Variants in ITPKA observed in about 807,000 individuals in gnomAD.
The protein encoded by ITPKA is IP3 3-kinase A.
ITPKA carries 16 observed loss-of-function variants against 40.7 expected under a neutral mutation model. The ratio of observed to expected loss-of-function variants is 0.39; its 90% CI spans 0.27 to 0.60. ITPKA has a LOEUF of 0.60. Ranked by LOEUF, ITPKA falls within the 20% of genes least tolerant of loss-of-function variation. ITPKA has a pLI of 0.50. For missense variants in ITPKA, 540 were observed against 649.3 expected (o/e 0.83, Z 1.83); for synonymous variants, 313 against 289.9 (o/e 1.08, Z -0.81).
Position 41,503,419 on chromosome 15 carries a change from C to G in ITPKA, c.*253C>G. ...GGGGGCAAAGGGCTTCTTCCTCAGG[C>G]CAGCTCTTCTGAGGAGGCTCTGCCC... On this transcript the variant is annotated 3_prime_UTR_variant, in exon 7 of 7. Coordinates refer to ENST00000260386, the MANE Select transcript of ITPKA (RefSeq NM_002220.3). The G allele has an allele frequency of 1.7e-6, 1 of 594,764 alleles. No individual in the cohort carries two copies. The highest frequency in any genetic ancestry group is 3.1e-6 in the Non-Finnish European group (1 of 326,762). The allele number at this position is 594,764 out of a possible 1,614,324, so 36.8% of individuals were successfully genotyped here. A position where few individuals can be genotyped will look rare whatever the true frequency, so the allele number is the denominator to read the frequency against.
intron 1 of ITPKA, among the ~76,000 whole-genome samples, chr15:41,496,823 C>G (rs1300034568): frequency 6.6e-6 from 1 of 152,158 alleles, no homozygotes; most frequent in Non-Finnish European, 1.5e-5. Context: ...TAGTGCAAAT[C>G]GTTTTATAAA....
chr15:41,502,736 C>A (rs909259071), intron 5 of ITPKA, 52 bp from the exon 6 acceptor site: 9 of 1,488,432 alleles, frequency 6.0e-6, no homozygotes, highest in Non-Finnish European at 6.4e-6. Context: ...TTAGCAGGGG[C>A]TCATTTGGCG....
In ITPKA at chr15:41,503,008, G is replaced by A; in HGVS notation, c.1228G>A (p.Ala410Thr). Reference sequence around the variant, plus strand: ...CTTTGTGCACGATCACTGCCATCGCGCCGGCGTGTGGCTCATCGACTTCGG... The same window carrying A: ...CTTTGTGCACGATCACTGCCATCGCACCGGCGTGTGGCTCATCGACTTCGG... ...LLFVHDHCHR[A>T]GVWLIDFGKT... The change falls in exon 7 of 7, where the codon GCC (alanine) becomes ACC (threonine). Residue 410 changes from alanine (A) to threonine (T), a missense_variant. Physicochemically the swap from Ala to Thr is moderately conservative, Grantham distance 58. Coordinates refer to ENST00000260386, the MANE Select transcript of ITPKA (RefSeq NM_002220.3). 3 of 1,608,016 alleles carry A rather than the reference G, an allele frequency of 1.9e-6. No homozygotes were observed.
At chr15:41,500,989 A>G (rs2140676476) in intron 1 of ITPKA, among the ~76,000 whole-genome samples, 1 of 121,980 alleles carries the variant, frequency 8.2e-6, no homozygotes, top group Middle Eastern at 5.1e-3. Context: ...AGCCTGGGTG[A>G]CAGAGCAAGA....
chr15:41,501,933 G>A (rs897754029), intron 3 of ITPKA, 64 bp from the exon 4 acceptor site: 45 of 1,588,662 alleles, frequency 2.8e-5, no homozygotes, highest in Non-Finnish European at 3.7e-5. Context: ...GACCCGGGGC[G>A]AGTGCTCGAA....
At chr15:41,502,372 G>A in intron 4 of ITPKA, 30 bp from the exon 5 acceptor site, 1 of 1,524,184 alleles carries the variant, frequency 6.6e-7, no homozygotes, top group Non-Finnish European at 9.1e-7. Context: ...GGCGGGCCCG[G>A]GGCCCCTGAC....
chr15:41,503,117 T>C lies in ITPKA; in HGVS notation c.1337T>C (p.Leu446Pro). Residue 446 changes from leucine to proline, a missense_variant, in exon 7 of 7, where the codon CTG (leucine) becomes CCG (proline). By Grantham distance (98) the Leu-to-Pro change is moderately conservative. Transcript: ENST00000260386. ...EEGNREDGYL[L>P]GLDNLIGILA... Reference sequence around the variant, plus strand: ...GGCAACCGCGAGGACGGCTATTTGCTGGGGCTGGACAATCTCATTGGCATC... The same window carrying C: ...GGCAACCGCGAGGACGGCTATTTGCCGGGGCTGGACAATCTCATTGGCATC... 1 of 1,603,808 alleles carries C rather than the reference T, an allele frequency of 6.2e-7. No homozygotes were observed. The highest frequency in any genetic ancestry group is 8.5e-7 in the Non-Finnish European group (1 of 1,171,942).
In ITPKA at chr15:41,501,271, C is replaced by G. The variant is rs556095504; in HGVS notation, c.490-192C>G. 4 of 974,834 alleles carry G rather than the reference C, an allele frequency of 4.1e-6. No individual in the cohort carries two copies. The African/African-American group carries it at 7.0e-5, about 17-fold the overall frequency. The allele number at this position is 974,834 out of a possible 1,614,324, so 60.4% of individuals were successfully genotyped here. A position where few individuals can be genotyped will look rare whatever the true frequency, so the allele number is the denominator to read the frequency against. On this transcript the variant is annotated intron_variant, in intron 1 of 6. Transcript: ENST00000260386. ...ACTGGAGACGCTGGAATCACCTTCA[C>G]TGCGCCTGTATCAGCACCCGCCACA...
At position 41,502,487 on chromosome 15, in the gene ITPKA, G is replaced by T; in HGVS notation, c.1094G>T (p.Gly365Val). Residue 365 changes from glycine (G) to valine (V), a missense_variant, in exon 5 of 7, where the codon GGA (glycine) becomes GTA (valine). Physicochemically the swap from Gly to Val is moderately radical, Grantham distance 109 (BLOSUM62 -3). Coordinates refer to ENST00000260386, the MANE Select transcript of ITPKA (RefSeq NM_002220.3). ...VLRVFEEFVQ[G>V]DEEVLRRYLN... ...CGCGTCTTTGAAGAGTTTGTGCAAG[G>T]AGATGAGGAAGTGCTGGTGAGAGCG... 1 of 1,590,252 alleles carries T rather than the reference G, an allele frequency of 6.3e-7. No individual in the cohort carries two copies. Among genetic ancestry groups the T allele is most frequent in the South Asian group, 1.1e-5 (1 of 90,610 alleles).
Position 41,493,979 on chromosome 15 carries a change from C to T in ITPKA, c.52C>T (p.Pro18Ser), listed in dbSNP as rs1275920628. 4 of 1,099,860 alleles carry T rather than the reference C, an allele frequency of 3.6e-6. No individual in the cohort carries two copies. The highest frequency in any genetic ancestry group is 4.4e-6 in the Non-Finnish European group (4 of 904,168). 68.1% of individuals were successfully genotyped at this position (1,099,860 alleles called of 1,614,324 possible). A position where few individuals can be genotyped will look rare whatever the true frequency, so the allele number is the denominator to read the frequency against. The change falls in exon 1 of 7, where the codon CCC becomes TCC. Residue 18 changes from proline (P) to serine (S), a missense_variant. Coordinates refer to ENST00000260386, the MANE Select transcript of ITPKA (RefSeq NM_002220.3). ...CATGGCGCGGCCGGGGGGCGCGAGG[C>T]CCTGCAGCCCGGGGCTGGAGCGGGC... ...TGMARPGGAR[P>S]CSPGLERAPR...
At chr15:41,501,888 G>C in intron 3 of ITPKA, 37 bp downstream of exon 3, 1 of 1,603,444 alleles carries the variant, frequency 6.2e-7, no homozygotes, top group Non-Finnish European at 8.5e-7. Flanking sequence ...GGGGGATCAA[G>C]TAGGGGTCCG....
At chr15:41,495,863 G>A (rs2140671881) in intron 1 of ITPKA, among the ~76,000 whole-genome samples, 1 of 152,368 alleles carries the variant, frequency 6.6e-6, no homozygotes, top group South Asian at 2.1e-4. Context: ...CCGCCCGCAG[G>A]GACTCGGCGA....
chr15:41,497,915 G>A (rs116615870), intron 1 of ITPKA, among the ~76,000 whole-genome samples: 194 of 152,100 alleles, frequency 1.3e-3, no homozygotes, highest in African/African-American at 4.6e-3. Flanking sequence ...ACTTTAGGAG[G>A]CCATGGCAGG....
intron 1 of ITPKA, among the ~76,000 whole-genome samples, chr15:41,500,731 G>A (rs1566857836): frequency 6.6e-6 from 1 of 152,100 alleles, no homozygotes; most frequent in African/African-American, 2.4e-5. Context: ...TGGGGGGCCG[G>A]GCCTGGTGGC....
intron 1 of ITPKA, among the ~76,000 whole-genome samples, chr15:41,495,020 C>A (rs566428252): frequency 4.3e-4 from 66 of 152,332 alleles, no homozygotes; most frequent in African/African-American, 1.5e-3. Flanking sequence ...CGCCCTGCCT[C>A]CCATCTTCCC....
intron 1 of ITPKA, among the ~76,000 whole-genome samples, chr15:41,496,508 C>G (rs903210123): frequency 6.6e-6 from 1 of 152,196 alleles, no homozygotes; most frequent in Non-Finnish European, 1.5e-5. Flanking sequence ...TTTTCCTAAC[C>G]AGCCAGGGGA....
At chr15:41,495,831 G>A (rs1202966120) in intron 1 of ITPKA, among the ~76,000 whole-genome samples, 1 of 152,234 alleles carries the variant, frequency 6.6e-6, no homozygotes, top group Admixed American at 6.5e-5. Context: ...CGCGAAGCGC[G>A]GGCGCGTCCC....
At chr15:41,495,827 G>C (rs1056306251) in intron 1 of ITPKA, among the ~76,000 whole-genome samples, 1 of 152,254 alleles carries the variant, frequency 6.6e-6, no homozygotes, top group Non-Finnish European at 1.5e-5. Context: ...AGGGCGCGAA[G>C]CGCGGGCGCG....
At chr15:41,496,258 T>TC (rs1399301927) in intron 1 of ITPKA, among the ~76,000 whole-genome samples, 3 of 152,168 alleles carry the variant, frequency 2.0e-5, no homozygotes, top group Non-Finnish European at 4.4e-5. Flanking sequence ...GCAAGGCTGG[T>TC]CCGGCTGACC....
Sources: gnomAD v4.1 joint callset for allele counts (sites outside exome capture counted in the v4.1 genomes callset) on GRCh38, gnomAD v4.1.1 for gene constraint, MANE v1.5 for transcripts, NCBI Gene and HGNC (gene_info 2026-07-23, HGNC 2026-07-21) for gene names.